Variants in AHDC1 observed in about 807,000 individuals in gnomAD.
AHDC1 encodes transcription factor Gibbin.
In AHDC1, 7 loss-of-function variants were observed where a neutral mutation model predicts 87.9. The ratio of observed to expected loss-of-function variants is 0.08; its 90% confidence interval spans 0.05 to 0.15. The LOEUF (loss-of-function observed/expected upper bound fraction) is 0.15. AHDC1 is among the 10% of genes least tolerant of loss of function. AHDC1 has a pLI of 1.00. For synonymous variants in AHDC1, 1,051 were observed against 1,006.8 expected (o/e 1.04, Z -0.83); for missense variants, 1,841 against 2,253.2 (o/e 0.82, Z 3.70).
intron 3 of AHDC1, among the ~76,000 whole-genome samples, chr1:27,574,893 CCCAT>C (rs1358310673): frequency 1.3e-5 from 2 of 152,164 alleles, no homozygotes; most frequent in African/African-American, 4.8e-5. Flanking sequence ...TGAAGCCCCT[CCCAT>C]CCCGGGGCCC....
Position 27,549,043 on chromosome 1 carries a change from T to G in AHDC1, c.3073A>C (p.Thr1025Pro), listed in dbSNP as rs1451931127. 2 of 1,575,628 alleles carry G rather than the reference T, an allele frequency of 1.3e-6. No individual in the cohort carries two copies. Among genetic ancestry groups the G allele is most frequent in the East Asian group, 4.5e-5 (2 of 44,498 alleles). The stretch of plus-strand genomic sequence containing the variant: ...CTTGGTGGCAGGCAGGGGCCCCCGG[T>G]AGGCGGTGGGGCATAGCCGGCGCTG... ...AHSAGYAPPP[T>P]GGPCLPPSKA... Residue 1025 changes from threonine (T) to proline (P), a missense_variant, in exon 8 of 9, where the codon ACC (threonine) becomes CCC (proline). Physicochemically the swap from Thr to Pro is conservative, Grantham distance 38. Transcript: ENST00000673934.
rs559172346 is a variant in AHDC1 at position 27,595,307 on chromosome 1, T to C, written c.-629+8090A>G. On this transcript the variant is annotated intron_variant, in intron 3 of 8. Coordinates refer to ENST00000673934, the MANE Select transcript of AHDC1 (RefSeq NM_001371928.1). The surrounding 1 kb of genome is among the most constrained non-coding windows in gnomAD (Gnocchi z 4.0). ...TAGCTGGGAGAAACGTTGGGGGCTG[T>C]GGGCAGAGTGTGTGTGTCTGGGGAG... Among the ~76,000 whole-genome samples the C allele has an allele frequency of 5.3e-5, 8 of 151,758 alleles. No individual in the cohort carries two copies. In the South Asian group the frequency reaches 1.7e-3, roughly 32 times the overall value.
rs377231405 is a variant in AHDC1, at chr1:27,551,891, T to C, written c.225A>G (p.Pro75=). 6.2e-5 allele frequency: 99 copies of C among 1,598,304 alleles called. 1 individual carries two copies. In the African/African-American group the frequency reaches 1.2e-3, roughly 19 times the overall value. Residue 75 remains proline (P), a synonymous_variant, in exon 8 of 9, where the codon CCA becomes CCG. Coordinates refer to ENST00000673934, the MANE Select transcript of AHDC1 (RefSeq NM_001371928.1). ...PRRDPSTRRP[P]VLAKGDDPLP... ...GCGGGTCGTCCCCCTTGGCAAGGAC[T>C]GGTGGGCGCCGGGTGCTGGGGTCCC...
chr1:27,567,645 TC>T (rs2020382681), intron 3 of AHDC1, among the ~76,000 whole-genome samples: 1 of 152,072 alleles, frequency 6.6e-6, no homozygotes, highest in African/African-American at 2.4e-5. Context: ...CTCCTAACCC[TC>T]CTCTTTGCTC....
At chr1:27,554,341 T>G (rs1330292145) in intron 5 of AHDC1, among the ~76,000 whole-genome samples, 3 of 152,360 alleles carry the variant, frequency 2.0e-5, no homozygotes, top group East Asian at 1.9e-4. Context: ...CTTCATAGTA[T>G]TCATTGCAAC....
chr1:27,594,435 C>T (rs1215870321), intron 3 of AHDC1, among the ~76,000 whole-genome samples: 1 of 152,222 alleles, frequency 6.6e-6, no homozygotes, highest in Non-Finnish European at 1.5e-5. Flanking sequence ...CAGGGCAGGG[C>T]TGGGTACTGA....
At chr1:27,582,799 T>C (rs1161324237) in intron 3 of AHDC1, among the ~76,000 whole-genome samples, 1 of 152,272 alleles carries the variant, frequency 6.6e-6, no homozygotes, top group Non-Finnish European at 1.5e-5. Context: ...GGAGATGCGA[T>C]GTTCAGTTGA....
At chr1:27,580,138 G>A (rs1304689444) in intron 3 of AHDC1, among the ~76,000 whole-genome samples, 1 of 152,104 alleles carries the variant, frequency 6.6e-6, no homozygotes. Flanking sequence ...TGGGAGGGAG[G>A]GTAGATTCCA....
intron 8 of AHDC1, among the ~76,000 whole-genome samples, chr1:27,544,663 C>CT (rs766392171): frequency 3.2e-4 from 48 of 152,250 alleles, no homozygotes; most frequent in Admixed American, 5.2e-4. Context: ...ATCTCCAACT[C>CT]TTTCTCATTC....
intron 3 of AHDC1, among the ~76,000 whole-genome samples, chr1:27,567,167 C>T (rs2020357183): frequency 6.6e-6 from 1 of 152,112 alleles, no homozygotes; most frequent in African/African-American, 2.4e-5. Flanking sequence ...TCCAGTCTAG[C>T]TGAAGATCCT....
Position 27,551,503 on chromosome 1 carries a change from T to A in AHDC1, c.613A>T (p.Arg205Trp). The change falls in exon 8 of 9, where the codon AGG becomes TGG. Residue 205 changes from arginine to tryptophan, a missense_variant. By Grantham distance (101) the Arg-to-Trp change is moderately radical. This residue lies in a region of AHDC1 where 370 missense variants were observed against 391.5 expected (regional missense o/e 0.95). Transcript: ENST00000673934. ...CCTTGGCCAGGCTGGGGACTGTCCC[T>A]AGGCTCAGGCTCAGGCTCGTAGAGG... ...HPLYEPEPEP[R>W]DSPQPGQGHS... 1 of 1,606,108 alleles carries A rather than the reference T, an allele frequency of 6.2e-7. No individual in the cohort carries two copies. Among genetic ancestry groups the A allele is most frequent in the Non-Finnish European group, 8.5e-7 (1 of 1,176,216 alleles).
Position 27,550,301 on chromosome 1 carries a change from G to C in AHDC1, c.1815C>G (p.Ala605=). The C allele has an allele frequency of 6.2e-7, 1 of 1,614,084 alleles. No homozygotes were observed. Among genetic ancestry groups the C allele is most frequent in the Non-Finnish European group, 8.5e-7 (1 of 1,179,982 alleles). Residue 605 remains alanine, a synonymous_variant, in exon 8 of 9, where the codon GCC becomes GCG. Transcript: ENST00000673934. ...CTGAGTACTCGGCCTTGCTGTCGTT[G>C]GCGTCTGCTGCATAGGATGGCTGGG... ...ASPQPSYAAD[A]NDSKAEYSDV... is the part of the protein sequence containing the mutation.
At position 27,560,183 on chromosome 1, in the gene AHDC1, G is replaced by A. The variant is rs1329268855; in HGVS notation, c.-628-1300C>T. On this transcript the variant is annotated intron_variant, in intron 3 of 8. Transcript: ENST00000673934. The surrounding 1 kb of genome is among the most constrained non-coding windows in gnomAD (Gnocchi z 4.1). ...ACATGTGGGTATGTGCACTTTTCAC[G>A]TTTATTTCTATTCGTTTTGTGTGTG... Among the ~76,000 whole-genome samples, 5 of 139,752 alleles carry A rather than the reference G, an allele frequency of 3.6e-5. No individual in the cohort carries two copies. Among genetic ancestry groups the A allele is most frequent in the African/African-American group, 5.4e-5 (2 of 36,776 alleles). 91.7% of individuals were successfully genotyped at this position (139,752 alleles called of 152,430 possible).
At chr1:27,543,834 A>T (rs1011953948) in intron 8 of AHDC1, among the ~76,000 whole-genome samples, 1 of 152,228 alleles carries the variant, frequency 6.6e-6, no homozygotes, top group Non-Finnish European at 1.5e-5. Context: ...AATCCCAGCT[A>T]CAGGAAGCTG....
In AHDC1 at chr1:27,561,631, T is replaced by TG. The variant is rs200535362; in HGVS notation, c.-628-2749dup. Among the ~76,000 whole-genome samples, 976 of 150,602 alleles carry TG rather than the reference T, an allele frequency of 6.5e-3. 8 individuals are homozygous for TG. Among genetic ancestry groups the TG allele is most frequent in the African/African-American group, 0.023 (933 of 40,928 alleles). ...GCCTCCTTGTTCAGGGGGTGTTGGC[T>TG]GGGGGAGATTTGTTCTGGTTGCAGA... On this transcript the variant is annotated intron_variant, in intron 3 of 8. Coordinates refer to ENST00000673934, the MANE Select transcript of AHDC1 (RefSeq NM_001371928.1). The surrounding 1 kb of genome is among the most constrained non-coding windows in gnomAD (Gnocchi z 4.2).
At chr1:27,579,091 C>G (rs1364113550) in intron 3 of AHDC1, among the ~76,000 whole-genome samples, 1 of 148,806 alleles carries the variant, frequency 6.7e-6, no homozygotes, top group East Asian at 1.9e-4. Flanking sequence ...GTCACTCAGG[C>G]TAGAGTGCAG....
chr1:27,592,346 G>A lies in AHDC1; in HGVS notation c.-629+11051C>T, dbSNP rs1194207643. On this transcript the variant is annotated intron_variant, in intron 3 of 8. Coordinates refer to ENST00000673934, the MANE Select transcript of AHDC1 (RefSeq NM_001371928.1). ...GCACCACCTGTCACCCACCCAGCTCGTCACCCACCCAGCCCATCACCTGCA... is the reference window on the plus strand; with the variant it reads ...GCACCACCTGTCACCCACCCAGCTCATCACCCACCCAGCCCATCACCTGCA... Among the ~76,000 whole-genome samples the A allele has an allele frequency of 2.0e-5, 3 of 151,790 alleles. No individual in the cohort carries two copies. In the East Asian group the frequency reaches 5.8e-4, roughly 29 times the overall value.
At position 27,558,682 on chromosome 1, in the gene AHDC1, C is replaced by T. The variant is rs898962171; in HGVS notation, c.-451+24G>A. On this transcript the variant is annotated intron_variant, in intron 4 of 8. Coordinates refer to ENST00000673934, the MANE Select transcript of AHDC1 (RefSeq NM_001371928.1). This position sits in a 1 kb window ranked among gnomAD's most constrained non-coding sequence, Gnocchi z 5.6. ...TTCCTGGGGGTGGCCCAGGCCCAAGCCTGACTTCCCTGCACACTGTTACCT... is the reference window on the plus strand; with the variant it reads ...TTCCTGGGGGTGGCCCAGGCCCAAGTCTGACTTCCCTGCACACTGTTACCT... 1 of 398,470 alleles carries T rather than the reference C, an allele frequency of 2.5e-6. No individual in the cohort carries two copies. The highest frequency in any genetic ancestry group is 2.1e-5 in the African/African-American group (1 of 48,632). 24.7% of individuals were successfully genotyped at this position (398,470 alleles called of 1,614,324 possible). A position where few individuals can be genotyped will look rare whatever the true frequency, so the allele number is the denominator to read the frequency against.
At chr1:27,589,992 G>T (rs912326277) in intron 3 of AHDC1, among the ~76,000 whole-genome samples, 4 of 152,138 alleles carry the variant, frequency 2.6e-5, no homozygotes, top group African/African-American at 9.7e-5. Flanking sequence ...GCTGGGCAGG[G>T]CTCCAGGACA....
Sources: gnomAD v4.1 joint callset for allele counts (sites outside exome capture counted in the v4.1 genomes callset) on GRCh38, gnomAD v4.1.1 for gene constraint, gnomAD v4.1.1 regional missense constraint, Gnocchi (gnomAD v3.1) non-coding constraint, MANE v1.5 for transcripts, NCBI Gene and HGNC (gene_info 2026-07-23, HGNC 2026-07-21) for gene names.